CDH13: variants seen among roughly 807,000 people sequenced by gnomAD.
The protein encoded by CDH13 is cadherin-13.
In CDH13, 24 loss-of-function variants were observed where a neutral mutation model predicts 63.8. The ratio of observed to expected loss-of-function variants is 0.38; its 90% confidence interval spans 0.27 to 0.53. The LOEUF (loss-of-function observed/expected upper bound fraction) is 0.53. Among genes scored for constraint, CDH13 ranks in the 20% least tolerant of loss-of-function variants. The probability of loss-of-function intolerance (pLI) is 0.85; values close to 1 mark genes in which losing one functional copy is unlikely to be tolerated. For synonymous variants in CDH13, 503 were observed against 355.3 expected, an observed-to-expected ratio of 1.42 and a Z score of -4.67; for missense variants, 1,049 against 903.1, an observed-to-expected ratio of 1.16 and a Z score of -2.07.
chr16:83,356,846 A>G (rs544968943), intron 6 of CDH13, among the ~76,000 whole-genome samples: 1 of 152,324 alleles, frequency 6.6e-6, no homozygotes, highest in Non-Finnish European at 1.5e-5. Flanking sequence ...TCTTGCTTTA[A>G]TTATGGGTGC....
intron 7 of CDH13, among the ~76,000 whole-genome samples, chr16:83,590,894 C>A (rs928975571): frequency 6.8e-6 from 1 of 147,108 alleles, no homozygotes; most frequent in East Asian, 2.0e-4. Flanking sequence ...GTACACCCAC[C>A]AGGGGATTCT....
chr16:83,313,355 A>G (rs995710706), intron 5 of CDH13, among the ~76,000 whole-genome samples: 1 of 152,200 alleles, frequency 6.6e-6, no homozygotes. Flanking sequence ...ATCCAACTCA[A>G]TATATGCAGC....
intron 4 of CDH13, among the ~76,000 whole-genome samples, chr16:83,166,412 C>T (rs976864065): frequency 1.3e-5 from 2 of 152,064 alleles, no homozygotes; most frequent in African/African-American, 2.4e-5. Flanking sequence ...AGGGGCAAAA[C>T]TCAGCACATC....
In CDH13 at chr16:82,914,089, A is replaced by C. The variant is rs892240087; in HGVS notation, c.157+55616A>C. ...GCATGGAGCTCTGAGGAAGGGACGT[A>C]CAGAAACCAGGACAGAACTCTAGCC... On this transcript the variant is annotated intron_variant, in intron 2 of 13. Coordinates refer to ENST00000567109, the MANE Select transcript of CDH13 (RefSeq NM_001257.5). Among the ~76,000 whole-genome samples, 3 of 152,244 alleles carry C rather than the reference A, an allele frequency of 2.0e-5. No individual in the cohort carries two copies. In the South Asian group the frequency reaches 6.2e-4, roughly 32 times the overall value.
intron 2 of CDH13, among the ~76,000 whole-genome samples, chr16:83,016,947 A>G (rs977209964): frequency 6.6e-6 from 1 of 152,170 alleles, no homozygotes; most frequent in Admixed American, 6.5e-5. Flanking sequence ...ATGGTGTTTT[A>G]TTTGATGCGA....
intron 3 of CDH13, among the ~76,000 whole-genome samples, chr16:83,068,053 G>C (rs142387002): frequency 1.3e-5 from 2 of 152,268 alleles, no homozygotes; most frequent in African/African-American, 4.8e-5. Context: ...CCATATGACT[G>C]CCACTTTGTG....
At chr16:83,084,714 C>A (rs1052180250) in intron 3 of CDH13, among the ~76,000 whole-genome samples, 2 of 152,020 alleles carry the variant, frequency 1.3e-5, no homozygotes, top group African/African-American at 4.8e-5. Context: ...CATGGTGAAA[C>A]CCCGCCTCTA....
chr16:83,381,473 G>A (rs1322671297), intron 6 of CDH13, among the ~76,000 whole-genome samples: 1 of 151,898 alleles, frequency 6.6e-6, no homozygotes, highest in Non-Finnish European at 1.5e-5. Context: ...GATCGCATCA[G>A]CAAGAACCCT....
At chr16:82,873,187 A>T (rs2040400263) in intron 2 of CDH13, among the ~76,000 whole-genome samples, 1 of 152,210 alleles carries the variant, frequency 6.6e-6, no homozygotes, top group Admixed American at 6.5e-5. Flanking sequence ...AACTCATGTC[A>T]AAGCCCTAAA....
intron 9 of CDH13, among the ~76,000 whole-genome samples, chr16:83,675,498 A>G (rs1377730198): frequency 1.3e-5 from 2 of 152,128 alleles, no homozygotes; most frequent in African/African-American, 4.8e-5. Context: ...TAGGAGAAAC[A>G]CTGGGGCCGG....
At chr16:83,342,177 T>C (rs1282082276) in intron 5 of CDH13, among the ~76,000 whole-genome samples, 4 of 152,200 alleles carry the variant, frequency 2.6e-5, no homozygotes, top group Admixed American at 2.6e-4. Context: ...TTAATAAATG[T>C]AAATTGCAAT....
At chr16:82,785,548 T>C (rs2035963680) in intron 1 of CDH13, among the ~76,000 whole-genome samples, 1 of 152,204 alleles carries the variant, frequency 6.6e-6, no homozygotes, top group African/African-American at 2.4e-5. Flanking sequence ...TCCAAGTAAA[T>C]GACTAATTAA....
chr16:82,919,451 A>G (rs995970461), intron 2 of CDH13, among the ~76,000 whole-genome samples: 5 of 152,134 alleles, frequency 3.3e-5, no homozygotes, highest in African/African-American at 1.2e-4. Flanking sequence ...ATAAGTGAGA[A>G]CTTGTGGTAT....
chr16:83,025,708 C>G (rs1915739915), intron 2 of CDH13, among the ~76,000 whole-genome samples: 1 of 152,136 alleles, frequency 6.6e-6, no homozygotes. Flanking sequence ...AGAAACCTAC[C>G]CTTAAAACTT....
chr16:82,797,061 G>C (rs1249972769), intron 1 of CDH13, among the ~76,000 whole-genome samples: 1 of 152,218 alleles, frequency 6.6e-6, no homozygotes, highest in Non-Finnish European at 1.5e-5. Flanking sequence ...TACTTGTCAT[G>C]AGTTATTCCT....
intron 10 of CDH13, among the ~76,000 whole-genome samples, chr16:83,678,789 G>A (rs959292449): frequency 6.4e-4 from 98 of 152,174 alleles, no homozygotes; most frequent in African/African-American, 2.3e-3. Context: ...GTGACCTCCT[G>A]CATCTCAGAA....
chr16:83,207,449 T>C (rs2039214830), intron 4 of CDH13, among the ~76,000 whole-genome samples: 1 of 152,252 alleles, frequency 6.6e-6, no homozygotes, highest in African/African-American at 2.4e-5. Flanking sequence ...TTTCTTTATA[T>C]TTACACACAT....
intron 2 of CDH13, among the ~76,000 whole-genome samples, chr16:82,931,753 A>G (rs1282234706): frequency 6.6e-6 from 1 of 152,208 alleles, no homozygotes; most frequent in African/African-American, 2.4e-5. Flanking sequence ...AACCCCTTAT[A>G]GAAACATCAG....
chr16:82,766,519 T>G (rs1401913456), intron 1 of CDH13, among the ~76,000 whole-genome samples: 8 of 152,214 alleles, frequency 5.3e-5, no homozygotes, highest in Non-Finnish European at 4.4e-5. Flanking sequence ...TTCTGCCTGG[T>G]TAGCTTGGAA....
Sources: allele counts gnomAD v4.1 joint callset (sites outside exome capture counted in the v4.1 genomes callset), GRCh38; gene constraint gnomAD v4.1.1; transcripts MANE v1.5; gene names NCBI Gene and HGNC (gene_info 2026-07-23, HGNC 2026-07-21).